The following PLEKHM2 variants were observed in gnomAD, a reference collection of about 807,000 sequenced individuals.
The protein encoded by PLEKHM2 is pleckstrin homology domain-containing family M member 2.
PLEKHM2 carries 77 observed loss-of-function variants against 116.3 expected under a neutral mutation model. The observed-to-expected ratio is 0.66, with a 90% CI of 0.55 to 0.80. PLEKHM2 has a LOEUF of 0.80. PLEKHM2 is among the 30% of genes least tolerant of loss of function. PLEKHM2 has a pLI of 0.00. For synonymous variants in PLEKHM2, 562 were observed against 571.0 expected, an observed-to-expected ratio of 0.98 and a Z score of 0.22; for missense variants, 1,183 against 1,354.9, an observed-to-expected ratio of 0.87 and a Z score of 1.99.
At position 15,718,540 on chromosome 1, in the gene PLEKHM2, A is replaced by G. The variant is rs1392376475; in HGVS notation, c.380A>G (p.Asn127Ser). Residue 127 changes from asparagine to serine, a missense_variant and splice_region_variant, in exon 5 of 20, where the codon AAT becomes AGT. This residue lies in a region of PLEKHM2 where 217 missense variants were observed against 277.6 expected (regional missense o/e 0.78). Transcript: ENST00000375799. The stretch of plus-strand genomic sequence containing the variant: ...TCGTGGCTTCTCATGTCTTGCAGGA[A>G]TGCCCTGGTCTGCAGCCACGATCAC... ...LGLLHKYYVKNALVCSHDHLT... is the reference protein window; with the variant it reads ...LGLLHKYYVKSALVCSHDHLT... 3.2e-6 allele frequency: 5 copies of G among 1,564,206 alleles called. No individual in the cohort carries two copies. Among genetic ancestry groups the G allele is most frequent in the Non-Finnish European group, 4.3e-6 (5 of 1,151,132 alleles).
chr1:15,729,301 G>A lies in PLEKHM2; in HGVS notation c.2075+111G>A, dbSNP rs2068107443. 1 of 844,268 alleles carries A rather than the reference G, an allele frequency of 1.2e-6. No homozygotes were observed. The highest frequency in any genetic ancestry group is 1.5e-5 in the South Asian group (1 of 68,750). 52.3% of individuals were successfully genotyped at this position (844,268 alleles called of 1,614,324 possible). A position where few individuals can be genotyped will look rare whatever the true frequency, so the allele number is the denominator to read the frequency against. On this transcript the variant is annotated intron_variant, in intron 13 of 19. Coordinates refer to ENST00000375799, the MANE Select transcript of PLEKHM2 (RefSeq NM_015164.4). The surrounding 1 kb of genome is among the most constrained non-coding windows in gnomAD (Gnocchi z 4.7). ...GTGGAAAGTGGGAGATCCAGGAGGG[G>A]AAACCAGATGTATTCCCTCTGGAAC...
chr1:15,733,622 A>G (rs984609934), intron 19 of PLEKHM2, among the ~76,000 whole-genome samples, 175 bp from the exon 20 acceptor site: 5 of 152,228 alleles, frequency 3.3e-5, no homozygotes, highest in African/African-American at 9.6e-5. Context: ...TCCTCAGCTC[A>G]AGCCCCTGGA....
intron 1 of PLEKHM2, among the ~76,000 whole-genome samples, chr1:15,702,755 C>G (rs1472148220): frequency 7.4e-6 from 1 of 134,606 alleles, no homozygotes; most frequent in Non-Finnish European, 1.5e-5. Flanking sequence ...GGGTCTCACT[C>G]TGTTGCCCAG....
In PLEKHM2 at chr1:15,728,420, C is replaced by A; in HGVS notation, c.1921+63C>A. Reference sequence around the variant, plus strand: ...GAGGCTGACTCTCAGCCCCTTTTCCCCAGTCCCCTTGCCCTCTGAGTGCCT... The same window carrying A: ...GAGGCTGACTCTCAGCCCCTTTTCCACAGTCCCCTTGCCCTCTGAGTGCCT... On this transcript the variant is annotated intron_variant, in intron 11 of 19. Transcript: ENST00000375799. This position sits in a 1 kb window ranked among gnomAD's most constrained non-coding sequence, Gnocchi z 5.9. The A allele has an allele frequency of 6.9e-7, 1 of 1,456,216 alleles. No homozygotes were observed. The highest frequency in any genetic ancestry group is 9.5e-7 in the Non-Finnish European group (1 of 1,054,122). 90.2% of individuals were successfully genotyped at this position (1,456,216 alleles called of 1,614,324 possible). A position where few individuals can be genotyped will look rare whatever the true frequency, so the allele number is the denominator to read the frequency against.
At chr1:15,730,180 C>A (rs961234426) in intron 14 of PLEKHM2, among the ~76,000 whole-genome samples, 6 of 152,232 alleles carry the variant, frequency 3.9e-5, no homozygotes, top group Non-Finnish European at 7.3e-5. Context: ...GTGGCTCACG[C>A]CTGTAATCCC....
intron 1 of PLEKHM2, among the ~76,000 whole-genome samples, chr1:15,696,292 AT>A (rs1640995456): frequency 6.6e-6 from 1 of 152,098 alleles, no homozygotes; most frequent in Non-Finnish European, 1.5e-5. Context: ...ACACGTCCCC[AT>A]GGGTCAAGTC....
chr1:15,716,426 G>A, intron 2 of PLEKHM2, 83 bp downstream of exon 2: 1 of 869,444 alleles, frequency 1.2e-6, no homozygotes. Flanking sequence ...TAGCCTCTCT[G>A]CCTTTTCTTT....
chr1:15,686,455 TGTGGA>T (rs930385273), intron 1 of PLEKHM2, among the ~76,000 whole-genome samples: 22 of 152,154 alleles, frequency 1.4e-4, no homozygotes, highest in Admixed American at 2.6e-4. Context: ...TTAGGGATGT[TGTGGA>T]GTGTTTTTTT....
chr1:15,703,964 G>C (rs995109813), intron 1 of PLEKHM2, among the ~76,000 whole-genome samples: 9 of 152,170 alleles, frequency 5.9e-5, no homozygotes, highest in African/African-American at 2.2e-4. Flanking sequence ...GCGTGGTCTG[G>C]GAACATGCCT....
intron 1 of PLEKHM2, among the ~76,000 whole-genome samples, chr1:15,707,915 G>A (rs1393709333): frequency 6.6e-6 from 1 of 152,146 alleles, no homozygotes; most frequent in Admixed American, 6.6e-5. Flanking sequence ...ATGGAGTCTC[G>A]CTCTTGTCGC....
rs2068157777 is a variant in PLEKHM2, at chr1:15,732,418, C to T, written c.2694C>T (p.Leu898=). The change falls in exon 18 of 20, where the codon CTC becomes CTT. Residue 898 remains leucine, a synonymous_variant. Transcript: ENST00000375799. ...PCCLVLTDDR[L]FTCHEDCQTS... is the part of the protein sequence containing the mutation. ...GCCTGGTCCTCACGGATGACCGCCT[C>T]TTTACGTGCCATGAGGATTGCCAGA... 2 of 1,578,854 alleles carry T rather than the reference C, an allele frequency of 1.3e-6. No homozygotes were observed. Among genetic ancestry groups the T allele is most frequent in the African/African-American group, 1.3e-5 (1 of 74,336 alleles).
Position 15,734,197 on chromosome 1 carries a change from A to T in PLEKHM2, c.*263A>T. 2.1e-6 allele frequency: 1 copy of T among 465,468 alleles called. No homozygotes were observed. Among genetic ancestry groups the T allele is most frequent in the Non-Finnish European group, 3.8e-6 (1 of 263,458 alleles). 28.8% of individuals were successfully genotyped at this position (465,468 alleles called of 1,614,324 possible). ...GGTCCGAGCCCTGTGGGCTCTGCGG[A>T]TGCACGCCCTCCTCCCGGGCCTCCG... On this transcript the variant is annotated 3_prime_UTR_variant, in exon 20 of 20. Transcript: ENST00000375799.
intron 1 of PLEKHM2, among the ~76,000 whole-genome samples, chr1:15,703,284 G>C (rs1302258421): frequency 6.6e-6 from 1 of 152,214 alleles, no homozygotes; most frequent in Non-Finnish European, 1.5e-5. Context: ...AGGCACAGCG[G>C]TGGAGCCCCA....
chr1:15,716,457 A>G, intron 2 of PLEKHM2, 114 bp downstream of exon 2: 1 of 733,462 alleles, frequency 1.4e-6, no homozygotes, highest in East Asian at 2.7e-5. Context: ...CTTGGCAGAA[A>G]GGGATTTGTC....
Position 15,728,594 on chromosome 1 carries a change from G to C in PLEKHM2, c.1922-75G>C, listed in dbSNP as rs2068097681. The C allele has an allele frequency of 1.5e-6, 2 of 1,324,052 alleles. No homozygotes were observed. The highest frequency in any genetic ancestry group is 2.1e-6 in the Non-Finnish European group (2 of 937,670). 82.0% of individuals were successfully genotyped at this position (1,324,052 alleles called of 1,614,324 possible). On this transcript the variant is annotated intron_variant, in intron 11 of 19. Transcript: ENST00000375799. This position sits in a 1 kb window ranked among gnomAD's most constrained non-coding sequence, Gnocchi z 5.9. ...GAGAGGCCCTCTAAGAGAGGGGGCT[G>C]TGTCTAAGAAAATGGGGCAGGGGGA...
At chr1:15,717,576 C>G (rs1391267287) in intron 3 of PLEKHM2, among the ~76,000 whole-genome samples, 1 of 152,206 alleles carries the variant, frequency 6.6e-6, no homozygotes. Context: ...AGCCTGAGCA[C>G]GTGCTATGGA....
In PLEKHM2 at chr1:15,727,736, G is replaced by T; in HGVS notation, c.1664G>T (p.Arg555Leu). 6.2e-7 allele frequency: 1 copy of T among 1,601,668 alleles called. No homozygotes were observed. Among genetic ancestry groups the T allele is most frequent in the African/African-American group, 1.3e-5 (1 of 74,802 alleles). Residue 555 changes from arginine (R) to leucine (L), a missense_variant, in exon 9 of 20, where the codon CGA becomes CTA. Arg to Leu is a moderately radical substitution (Grantham distance 102). Coordinates refer to ENST00000375799, the MANE Select transcript of PLEKHM2 (RefSeq NM_015164.4). The surrounding 1 kb of genome is among the most constrained non-coding windows in gnomAD (Gnocchi z 7.5). ...CAGGAGGTTCTCTGCCAGCTCAAGCGAGACCAGCCCAGCCCGTGTCTGAGT... is the reference window on the plus strand; with the variant it reads ...CAGGAGGTTCTCTGCCAGCTCAAGCTAGACCAGCCCAGCCCGTGTCTGAGT... Reference protein sequence around the residue: ...GTQEVLCQLKRDQPSPCLSSA... With the variant: ...GTQEVLCQLKLDQPSPCLSSA...
chr1:15,716,467 C>T (rs1641448716), intron 2 of PLEKHM2, 124 bp downstream of exon 2: 3 of 706,052 alleles, frequency 4.2e-6, no homozygotes, highest in Non-Finnish European at 7.1e-6. Flanking sequence ...AGGGATTTGT[C>T]CCACTCAAGT....
At chr1:15,702,905 G>C (rs1240075331) in intron 1 of PLEKHM2, among the ~76,000 whole-genome samples, 1 of 151,026 alleles carries the variant, frequency 6.6e-6, no homozygotes, top group Non-Finnish European at 1.5e-5. Context: ...AAAAAAAAAA[G>C]TTGCTAGAAA....
Sources: allele counts gnomAD v4.1 joint callset (sites outside exome capture counted in the v4.1 genomes callset), GRCh38; gene constraint gnomAD v4.1.1; regional missense constraint gnomAD v4.1.1; non-coding constraint Gnocchi (gnomAD v3.1); transcripts MANE v1.5; gene names NCBI Gene and HGNC (gene_info 2026-07-23, HGNC 2026-07-21).